EXPH5: variants seen among roughly 807,000 people sequenced by gnomAD.
EXPH5 encodes exophilin 5.
In EXPH5, 42 loss-of-function variants were observed where a neutral mutation model predicts 41.1. The ratio of observed to expected loss-of-function variants is 1.02; its 90% CI spans 0.80 to 1.32. The LOEUF is 1.32. Ranked by LOEUF, EXPH5 falls within the 40% of genes most tolerant of loss-of-function variation. The pLI is 0.00. For missense variants in EXPH5, 2,298 were observed against 2,314.5 expected (o/e 0.99, Z 0.15); for synonymous variants, 798 against 833.5 (o/e 0.96, Z 0.73).
rs181737294 is a variant in EXPH5 at position 108,543,671 on chromosome 11, C to T, written c.120-1859G>A. Among the ~76,000 whole-genome samples, 501 of 152,284 alleles carry T rather than the reference C, an allele frequency of 3.3e-3. 4 individuals carry two copies. The highest frequency in any genetic ancestry group is 0.011 in the African/African-American group (464 of 41,562). On this transcript the variant is annotated intron_variant, in intron 1 of 5. Transcript: ENST00000265843. ...AGATTTGGAGTTAAAAGGCAATGAA[C>T]TGAGATGGCTGCAACTCAGGCTCTT...
intron 1 of EXPH5, among the ~76,000 whole-genome samples, chr11:108,575,701 C>A (rs146216475): frequency 1.7e-3 from 253 of 152,266 alleles, no homozygotes; most frequent in African/African-American, 5.8e-3. Context: ...AGGCTGGGTG[C>A]GGTGGCTCAT....
intron 1 of EXPH5, among the ~76,000 whole-genome samples, chr11:108,577,989 T>G (rs1337236262): frequency 6.6e-6 from 1 of 152,216 alleles, no homozygotes; most frequent in Non-Finnish European, 1.5e-5. Flanking sequence ...TTCTGTAGGT[T>G]GTCTCTTCAT....
intron 1 of EXPH5, among the ~76,000 whole-genome samples, chr11:108,583,976 G>A (rs1342993335): frequency 6.6e-6 from 1 of 152,206 alleles, no homozygotes; most frequent in African/African-American, 2.4e-5. Context: ...GTTTAGCTAA[G>A]TGGTAGGGTA....
intron 3 of EXPH5, among the ~76,000 whole-genome samples, chr11:108,537,336 T>C (rs75903030): frequency 0.023 from 3,450 of 152,298 alleles, 131 homozygotes; most frequent in African/African-American, 0.079. Flanking sequence ...ACCAGCAGAA[T>C]TAATAAATAC....
At chr11:108,519,684 G>A (rs2093751639) in intron 4 of EXPH5, among the ~76,000 whole-genome samples, 1 of 151,824 alleles carries the variant, frequency 6.6e-6, no homozygotes, top group African/African-American at 2.4e-5. Context: ...GAAGGCGGAA[G>A]TTGTAGTGAG....
At chr11:108,521,033 G>C (rs1302841008) in intron 4 of EXPH5, among the ~76,000 whole-genome samples, 1 of 151,942 alleles carries the variant, frequency 6.6e-6, no homozygotes, top group Non-Finnish European at 1.5e-5. Flanking sequence ...TGTCAAACTG[G>C]CTCTGTCACT....
At chr11:108,542,208 C>T (rs2093916800) in intron 1 of EXPH5, among the ~76,000 whole-genome samples, 1 of 152,154 alleles carries the variant, frequency 6.6e-6, no homozygotes, top group Non-Finnish European at 1.5e-5. Flanking sequence ...TCATTCACAT[C>T]TAAAGCCAAT....
chr11:108,563,061 G>T (rs78590714), intron 1 of EXPH5, among the ~76,000 whole-genome samples: 1 of 152,104 alleles, frequency 6.6e-6, no homozygotes, highest in African/African-American at 2.4e-5. Context: ...TCTAGTTAGG[G>T]TTTAAGTCCC....
chr11:108,578,576 T>C (rs951401349), intron 1 of EXPH5, among the ~76,000 whole-genome samples: 4 of 152,196 alleles, frequency 2.6e-5, no homozygotes, highest in African/African-American at 9.6e-5. Flanking sequence ...AAGAATTTCA[T>C]TGATATTATA....
rs1461582906 is a variant in EXPH5 at position 108,518,296 on chromosome 11, C to A, written c.570G>T (p.Arg190Ser). The change falls in exon 5 of 6, where the codon AGG (arginine) becomes AGT (serine). Residue 190 changes from arginine to serine, a missense_variant. Transcript: ENST00000265843. ...STFVPKPAVM[R>S]EESGMPPPWD... The stretch of plus-strand genomic sequence containing the variant: ...ACGGTGGAGGCATGCCACTCTCCTC[C>A]CTCATGACTGCTGGCTTTGGGACAA... 6.2e-7 allele frequency: 1 copy of A among 1,614,014 alleles called. No homozygotes were observed. The highest frequency in any genetic ancestry group is 1.1e-5 in the South Asian group (1 of 91,070).
In EXPH5 at chr11:108,518,245, C is replaced by T. The variant is rs1267836053; in HGVS notation, c.621G>A (p.Glu207=). 5 of 1,611,636 alleles carry T rather than the reference C, an allele frequency of 3.1e-6. No individual in the cohort carries two copies. Among genetic ancestry groups the T allele is most frequent in the Non-Finnish European group, 4.2e-6 (5 of 1,179,270 alleles). ...AATGCATGAACTTACCTTGGAAAAA[C>T]TCATTCTCCAGCAGTGAAGCATCCC... ...PPWDASLLEN[E]FFQVLDDLDS... is the part of the protein sequence containing the mutation. Residue 207 remains glutamate (E), a synonymous_variant, in exon 5 of 6, where the codon GAG becomes GAA. Coordinates refer to ENST00000265843, the MANE Select transcript of EXPH5 (RefSeq NM_015065.3).
Position 108,512,540 on chromosome 11 carries a change from T to C in EXPH5, c.2967A>G (p.Thr989=), listed in dbSNP as rs138252898. 1.7e-3 allele frequency: 2,762 copies of C among 1,612,464 alleles called. 8 individuals carry two copies. The highest frequency in any genetic ancestry group is 2.1e-3 in the Non-Finnish European group (2,461 of 1,179,700). The change falls in exon 6 of 6, where the codon ACA becomes ACG. Residue 989 remains threonine (T), a synonymous_variant. Coordinates refer to ENST00000265843, the MANE Select transcript of EXPH5 (RefSeq NM_015065.3). ...CACTGGTGGGTACTGATATACTTTC[T>C]GTTTTGCTTAACTTTTCAATACAGG... ...HISCIEKLSK[T]ESISVPTSDH... is the part of the protein sequence containing the mutation.
In EXPH5 at chr11:108,508,643, G is replaced by C. The variant is rs2135892593; in HGVS notation, c.*894C>G. On this transcript the variant is annotated 3_prime_UTR_variant, in exon 6 of 6. Coordinates refer to ENST00000265843, the MANE Select transcript of EXPH5 (RefSeq NM_015065.3). ...GTAAAGGTAAGTCGGTCCCATGAAG[G>C]GATACCTACTTCCTACCTCTGCTCC... The C allele has an allele frequency of 6.6e-6, 1 of 152,354 alleles. No individual in the cohort carries two copies. The highest frequency in any genetic ancestry group is 2.4e-5 in the African/African-American group (1 of 41,584). 9.4% of individuals were successfully genotyped at this position (152,354 alleles called of 1,614,324 possible).
intron 1 of EXPH5, among the ~76,000 whole-genome samples, chr11:108,573,887 G>T (rs1002979246): frequency 2.0e-5 from 3 of 151,828 alleles, no homozygotes; most frequent in Non-Finnish European, 2.9e-5. Flanking sequence ...TTTACAAAAA[G>T]ATTTTATTTT....
chr11:108,597,839 A>C (rs145047782), upstream of EXPH5, among the ~76,000 whole-genome samples: 5 of 152,310 alleles, frequency 3.3e-5, no homozygotes, highest in African/African-American at 4.8e-5. Flanking sequence ...GTTAAAAAAA[A>C]CCACAAAAAC....
intron 5 of EXPH5, among the ~76,000 whole-genome samples, chr11:108,516,761 G>A (rs2093729345): frequency 6.6e-6 from 1 of 152,136 alleles, no homozygotes; most frequent in South Asian, 2.1e-4. Flanking sequence ...TTAAGGATAT[G>A]TAATTAAGGA....
intron 3 of EXPH5, chr11:108,537,939 T>C: frequency 3.1e-6 from 3 of 982,644 alleles, no homozygotes; most frequent in Non-Finnish European, 2.4e-6. Flanking sequence ...GTCTCAAAAA[T>C]TTTTACAGAG....
At chr11:108,527,692 G>A (rs919678497) in intron 4 of EXPH5, among the ~76,000 whole-genome samples, 11 of 152,144 alleles carry the variant, frequency 7.2e-5, no homozygotes, top group African/African-American at 2.7e-4. Context: ...GAAGCATCTC[G>A]CTGGGTCAAC....
At chr11:108,586,447 CA>C (rs2094113101) in intron 1 of EXPH5, among the ~76,000 whole-genome samples, 1 of 127,490 alleles carries the variant, frequency 7.8e-6, no homozygotes, top group African/African-American at 3.0e-5. Flanking sequence ...CTCCCTCCCC[CA>C]TCCCCTTTCC....
Sources: allele counts gnomAD v4.1 joint callset (sites outside exome capture counted in the v4.1 genomes callset), GRCh38; gene constraint gnomAD v4.1.1; transcripts MANE v1.5; gene names NCBI Gene and HGNC (gene_info 2026-07-23, HGNC 2026-07-21).